Variants in AFG2A observed in about 807,000 individuals in gnomAD.
The protein encoded by AFG2A is ATPase family gene 2 protein homolog A.
the AFG2A span, among the ~76,000 whole-genome samples, chr4:122,945,399 T>C: frequency 1.3e-5 from 2 of 152,338 alleles, no homozygotes; most frequent in East Asian, 3.9e-4. Context: ...GATCTCAGAC[T>C]GCTGTGCTAG....
the AFG2A span, among the ~76,000 whole-genome samples, chr4:123,195,961 C>A: frequency 6.6e-6 from 1 of 151,744 alleles, no homozygotes; most frequent in South Asian, 2.1e-4. Context: ...AAATCTTCCT[C>A]ATCCTTCCAT....
At chr4:123,229,773 A>C in the AFG2A span, among the ~76,000 whole-genome samples, 2 of 151,920 alleles carry the variant, frequency 1.3e-5, no homozygotes, top group Non-Finnish European at 1.5e-5. Context: ...ATGCTGTGTC[A>C]GTTAGAGAGA....
chr4:123,129,572 C>T, the AFG2A span, among the ~76,000 whole-genome samples: 1 of 152,210 alleles, frequency 6.6e-6, no homozygotes, highest in Non-Finnish European at 1.5e-5. Context: ...TTGTCCACTC[C>T]TTCCTCTTTG....
At chr4:122,979,359 G>A in the AFG2A span, 29 of 1,614,018 alleles carry the variant, frequency 1.8e-5, no homozygotes, top group Non-Finnish European at 2.4e-5. Context: ...CCAGTGCCAT[G>A]AGGGAAATAG....
At chr4:123,236,310 A>G in the AFG2A span, among the ~76,000 whole-genome samples, 1 of 152,210 alleles carries the variant, frequency 6.6e-6, no homozygotes, top group South Asian at 2.1e-4. Flanking sequence ...ATTGCAGTTT[A>G]TGATAAGCTT....
At chr4:123,015,186 C>CTTTTTT in the AFG2A span, among the ~76,000 whole-genome samples, 2 of 132,794 alleles carry the variant, frequency 1.5e-5, no homozygotes, top group Non-Finnish European at 1.6e-5. Context: ...ATTTTTCTTT[C>CTTTTTT]TTTTTTTTTT....
At chr4:123,091,641 A>G in the AFG2A span, among the ~76,000 whole-genome samples, 1 of 152,144 alleles carries the variant, frequency 6.6e-6, no homozygotes, top group African/African-American at 2.4e-5. Context: ...GGATTCTTCT[A>G]TTTTTTTAAG....
the AFG2A span, among the ~76,000 whole-genome samples, chr4:123,178,087 ACT>A: frequency 2.0e-5 from 3 of 152,076 alleles, no homozygotes; most frequent in Non-Finnish European, 2.9e-5. Context: ...GAAATACAAG[ACT>A]CTTTCTATAA....
At chr4:123,024,913 A>G in the AFG2A span, among the ~76,000 whole-genome samples, 3 of 152,144 alleles carry the variant, frequency 2.0e-5, no homozygotes, top group Non-Finnish European at 4.4e-5. Context: ...TCCTTCTCCC[A>G]GTGTGTCTCT....
the AFG2A span, among the ~76,000 whole-genome samples, chr4:123,214,280 G>A: frequency 6.6e-6 from 1 of 152,112 alleles, no homozygotes; most frequent in South Asian, 2.1e-4. Flanking sequence ...GTTCAAAGAA[G>A]TAAGATTAAG....
the AFG2A span, among the ~76,000 whole-genome samples, chr4:122,932,233 C>T: frequency 2.0e-5 from 3 of 151,684 alleles, no homozygotes; most frequent in Non-Finnish European, 4.4e-5. Flanking sequence ...TGAGATCACA[C>T]CACCGCACTC....
At chr4:123,264,421 C>T in the AFG2A span, among the ~76,000 whole-genome samples, 1 of 152,116 alleles carries the variant, frequency 6.6e-6, no homozygotes, top group East Asian at 1.9e-4. Context: ...CCATGAGGTA[C>T]AGCACTTGTT....
At chr4:122,936,844 G>T in the AFG2A span, among the ~76,000 whole-genome samples, 1 of 152,182 alleles carries the variant, frequency 6.6e-6, no homozygotes, top group African/African-American at 2.4e-5. Context: ...GCCAGGTGTG[G>T]TGGCAAGTGC....
chr4:122,939,776 C>A, the AFG2A span, among the ~76,000 whole-genome samples: 1 of 152,108 alleles, frequency 6.6e-6, no homozygotes, highest in Non-Finnish European at 1.5e-5. Context: ...TGCTATCCCT[C>A]GCCCCTCCCC....
At chr4:123,186,766 G>T in the AFG2A span, among the ~76,000 whole-genome samples, 1 of 152,146 alleles carries the variant, frequency 6.6e-6, no homozygotes. Context: ...GTGGTGTGCA[G>T]TGTAAAGCTG....
At chr4:123,057,248 T>G in the AFG2A span, 1 of 1,613,964 alleles carries the variant, frequency 6.2e-7, no homozygotes, top group East Asian at 2.2e-5. Context: ...TTCCATTATT[T>G]TCTTTGATGA....
chr4:123,047,191 C>G, the AFG2A span, among the ~76,000 whole-genome samples: 25 of 152,154 alleles, frequency 1.6e-4, no homozygotes, highest in African/African-American at 5.3e-4. Flanking sequence ...CCGTAAATGG[C>G]TATACTAATT....
At chr4:123,314,439 G>A in the AFG2A span, 1 of 154,164 alleles carries the variant, frequency 6.5e-6, no homozygotes, top group African/African-American at 2.4e-5. Context: ...AAAAGTATAT[G>A]TGGATAAATT....
At chr4:123,151,564 C>G in the AFG2A span, among the ~76,000 whole-genome samples, 1 of 152,122 alleles carries the variant, frequency 6.6e-6, no homozygotes, top group Non-Finnish European at 1.5e-5. Flanking sequence ...AAATGCAAAT[C>G]AAAACCACAA....
Sources: gnomAD v4.1 joint callset for allele counts (sites outside exome capture counted in the v4.1 genomes callset) on GRCh38, gnomAD v4.1.1 for gene constraint, MANE v1.5 for transcripts, NCBI Gene and HGNC (gene_info 2026-07-23, HGNC 2026-07-21) for gene names.